DCC: variants seen among roughly 807,000 people sequenced by gnomAD.
The protein encoded by DCC is netrin receptor DCC.
A neutral mutation model predicts 172.5 loss-of-function variants in DCC; 58 were observed. That is an observed-to-expected ratio of 0.34 (90% confidence interval 0.27 to 0.42). The LOEUF (loss-of-function observed/expected upper bound fraction) is 0.42. Among genes scored for constraint, DCC ranks in the 10% least tolerant of loss-of-function variants. DCC has a pLI of 1.00. For missense variants in DCC, 1,740 were observed against 1,791.0 expected, an observed-to-expected ratio of 0.97 and a Z score of 0.51; for synonymous variants, 709 against 644.5, an observed-to-expected ratio of 1.10 and a Z score of -1.52.
intron 2 of DCC, among the ~76,000 whole-genome samples, chr18:52,890,877 T>C (rs1424770153): frequency 2.0e-5 from 3 of 152,046 alleles, no homozygotes; most frequent in Non-Finnish European, 1.5e-5. Context: ...AGCAAAGTCA[T>C]AGAACCTGGC....
intron 10 of DCC, among the ~76,000 whole-genome samples, chr18:53,206,765 A>G (rs1329407700): frequency 6.6e-6 from 1 of 150,714 alleles, no homozygotes; most frequent in African/African-American, 2.4e-5. Flanking sequence ...TCAATAGTTA[A>G]ATCAAAAATT....
intron 7 of DCC, among the ~76,000 whole-genome samples, chr18:53,104,286 G>A (rs1461544824): frequency 2.0e-5 from 3 of 152,026 alleles, no homozygotes; most frequent in African/African-American, 7.2e-5. Flanking sequence ...CTCACGTGTT[G>A]TGGGAGGGAG....
intron 15 of DCC, among the ~76,000 whole-genome samples, chr18:53,349,288 G>A (rs1323169561): frequency 2.0e-5 from 3 of 152,106 alleles, no homozygotes; most frequent in Non-Finnish European, 2.9e-5. Context: ...TTCCCAACAA[G>A]TTCCTCATTT....
intron 1 of DCC, among the ~76,000 whole-genome samples, chr18:52,541,779 T>A (rs569966097): frequency 1.3e-5 from 2 of 151,388 alleles, no homozygotes; most frequent in South Asian, 2.1e-4. Flanking sequence ...CACTTTATAA[T>A]GAATGAATCT....
chr18:52,631,632 G>A (rs1406538056), intron 1 of DCC, among the ~76,000 whole-genome samples: 1 of 152,196 alleles, frequency 6.6e-6, no homozygotes, highest in Non-Finnish European at 1.5e-5. Context: ...GGGCTTGTCT[G>A]TGCTGTGGCT....
chr18:53,241,697 G>A (rs895124372), intron 12 of DCC, among the ~76,000 whole-genome samples: 1 of 152,166 alleles, frequency 6.6e-6, no homozygotes. Context: ...ATGTGCATAA[G>A]AGCATGGCCA....
intron 2 of DCC, among the ~76,000 whole-genome samples, chr18:52,793,287 C>A (rs763580731): frequency 5.9e-5 from 9 of 152,168 alleles, no homozygotes; most frequent in African/African-American, 9.7e-5. Flanking sequence ...GGAGCCACCA[C>A]CTTGAACATG....
intron 1 of DCC, among the ~76,000 whole-genome samples, chr18:52,708,675 A>G (rs1290566245): frequency 6.6e-6 from 1 of 152,150 alleles, no homozygotes; most frequent in Non-Finnish European, 1.5e-5. Flanking sequence ...GTCTCTCACC[A>G]CAAGGCCATG....
At chr18:52,465,610 G>A (rs1375380270) in intron 1 of DCC, among the ~76,000 whole-genome samples, 1 of 152,142 alleles carries the variant, frequency 6.6e-6, no homozygotes, top group Non-Finnish European at 1.5e-5. Context: ...CGACAAAGGA[G>A]CATCTGTTGA....
At chr18:52,909,261 AATAC>A (rs532281632) in intron 3 of DCC, among the ~76,000 whole-genome samples, 113 of 152,312 alleles carry the variant, frequency 7.4e-4, no homozygotes, top group African/African-American at 2.4e-3. Flanking sequence ...TATACATGTT[AATAC>A]ATACATGCAC....
At chr18:53,462,266 C>T (rs188755959) in intron 24 of DCC, among the ~76,000 whole-genome samples, 26 of 152,150 alleles carry the variant, frequency 1.7e-4, no homozygotes, top group African/African-American at 6.0e-4. Flanking sequence ...AGGTGAGCAA[C>T]GGGCAAAAGA....
chr18:53,503,927 G>C (rs2046136329), intron 27 of DCC, among the ~76,000 whole-genome samples: 1 of 152,096 alleles, frequency 6.6e-6, no homozygotes, highest in Non-Finnish European at 1.5e-5. Flanking sequence ...ATCTTCAAGG[G>C]ATCAATATGT....
In DCC at chr18:53,333,310, G is replaced by A. The variant is rs574422771; in HGVS notation, c.2165-6403G>A. ...ACATGCCTGGAAAGGCAGAGTGTGG[G>A]TATATCAATTGCCTTATGTAGTTTG... On this transcript the variant is annotated intron_variant, in intron 14 of 28. Coordinates refer to ENST00000442544, the MANE Select transcript of DCC (RefSeq NM_005215.4). Among the ~76,000 whole-genome samples, 3 of 152,210 alleles carry A rather than the reference G, an allele frequency of 2.0e-5. No homozygotes were observed. In the East Asian group the frequency reaches 5.8e-4, roughly 29 times the overall value.
intron 10 of DCC, 95 bp downstream of exon 10, chr18:53,205,459 A>G (rs4497763): frequency 1 from 1,257,080 of 1,257,734 alleles, 628,216 homozygotes; most frequent in Middle Eastern, 1. Flanking sequence ...AGACTCGCAA[A>G]CTCTTGAAAC....
intron 1 of DCC, among the ~76,000 whole-genome samples, chr18:52,455,025 G>T (rs2144524427): frequency 6.6e-6 from 1 of 152,144 alleles, no homozygotes; most frequent in Admixed American, 6.5e-5. Context: ...TCTTCTTGTT[G>T]TAGCATTAAA....
At chr18:52,350,211 AG>A (rs1332474635) in intron 1 of DCC, among the ~76,000 whole-genome samples, 7 of 152,242 alleles carry the variant, frequency 4.6e-5, no homozygotes, top group African/African-American at 1.2e-4. Context: ...CCTCCAGTGA[AG>A]GTGACAGGCA....
At chr18:53,331,615 G>A (rs2057530457) in intron 14 of DCC, among the ~76,000 whole-genome samples, 1 of 152,182 alleles carries the variant, frequency 6.6e-6, no homozygotes, top group Non-Finnish European at 1.5e-5. Flanking sequence ...AGTTGGCAGT[G>A]TTTAAATAAA....
chr18:52,701,965 A>G (rs2036131511), intron 1 of DCC, among the ~76,000 whole-genome samples: 1 of 152,164 alleles, frequency 6.6e-6, no homozygotes, highest in Non-Finnish European at 1.5e-5. Context: ...AACAACCTTG[A>G]TGTTACCATA....
At chr18:52,440,335 A>G (rs923078396) in intron 1 of DCC, among the ~76,000 whole-genome samples, 2 of 152,208 alleles carry the variant, frequency 1.3e-5, no homozygotes, top group African/African-American at 4.8e-5. Context: ...TGGTTCTTAG[A>G]AGCTTGGCAA....
Sources: gnomAD v4.1 joint callset for allele counts (sites outside exome capture counted in the v4.1 genomes callset) on GRCh38, gnomAD v4.1.1 for gene constraint, MANE v1.5 for transcripts, NCBI Gene and HGNC (gene_info 2026-07-23, HGNC 2026-07-21) for gene names.